Variants in DCAF6 observed in about 807,000 individuals in gnomAD.
DCAF6 encodes DDB1- and CUL4-associated factor 6.
DCAF6 carries 54 observed loss-of-function variants against 125.1 expected under a neutral mutation model. The observed-to-expected ratio is 0.43, with a 90% CI of 0.35 to 0.54. DCAF6 has a LOEUF of 0.54. DCAF6 is among the 20% of genes least tolerant of loss of function. DCAF6 has a pLI of 0.01. For synonymous variants in DCAF6, 371 were observed against 390.4 expected (o/e 0.95, Z 0.58); for missense variants, 934 against 1,161.7 (o/e 0.80, Z 2.85).
At chr1:168,059,238 A>G (rs1435888292) in intron 17 of DCAF6, among the ~76,000 whole-genome samples, 2 of 152,280 alleles carry the variant, frequency 1.3e-5, no homozygotes, top group Admixed American at 6.5e-5. Flanking sequence ...TGCCCCATTT[A>G]GATAGCCAGT....
chr1:167,875,643 A>G, the DCAF6 span, among the ~76,000 whole-genome samples: 1 of 152,176 alleles, frequency 6.6e-6, no homozygotes, highest in Non-Finnish European at 1.5e-5. Flanking sequence ...TAATCCTGAC[A>G]AAAACACTGT....
Position 167,939,745 on chromosome 1 carries a change from A to C in DCAF6, c.97+2737A>C, listed in dbSNP as rs1175193256. On this transcript the variant is annotated intron_variant, in intron 1 of 21. Transcript: ENST00000367840. Reference sequence around the variant, plus strand: ...GCCACTGCACTCCAGCCTGGGCGACAGAGGGAAACTCTGCGTCATAAATAA... The same window carrying C: ...GCCACTGCACTCCAGCCTGGGCGACCGAGGGAAACTCTGCGTCATAAATAA... Among the ~76,000 whole-genome samples, 4 of 149,408 alleles carry C rather than the reference A, an allele frequency of 2.7e-5. No individual in the cohort carries two copies. In the Admixed American group the frequency reaches 2.7e-4, roughly 10 times the overall value.
intron 3 of DCAF6, 53 bp from the exon 4 acceptor site, chr1:167,974,777 A>T: frequency 3.7e-6 from 5 of 1,338,254 alleles, no homozygotes; most frequent in Non-Finnish European, 5.0e-6. Flanking sequence ...TTAAAAATGA[A>T]TATTTCTAGG....
At chr1:167,960,605 G>C (rs1346418679) in intron 2 of DCAF6, among the ~76,000 whole-genome samples, 5 of 152,086 alleles carry the variant, frequency 3.3e-5, no homozygotes, top group Non-Finnish European at 7.4e-5. Flanking sequence ...TCTTGAAGTT[G>C]GGTAGTGTCA....
intron 15 of DCAF6, 66 bp from the exon 16 acceptor site, chr1:168,044,832 TAA>T: frequency 6.5e-7 from 1 of 1,541,048 alleles, no homozygotes; most frequent in Non-Finnish European, 8.8e-7. Context: ...TGTGAGCTCC[TAA>T]GTTAGGTTAA....
At chr1:167,885,527 T>C in the DCAF6 span, among the ~76,000 whole-genome samples, 1 of 152,366 alleles carries the variant, frequency 6.6e-6, no homozygotes, top group East Asian at 1.9e-4. Context: ...TGATTTTCAT[T>C]TATCTGATGA....
chr1:167,905,047 C>T, the DCAF6 span: 1 of 1,614,196 alleles, frequency 6.2e-7, no homozygotes, highest in Non-Finnish European at 8.5e-7. Context: ...AAGGGTCGCT[C>T]TGGGGAGAAA....
the DCAF6 span, among the ~76,000 whole-genome samples, chr1:167,868,813 C>A: frequency 6.6e-6 from 1 of 152,212 alleles, no homozygotes; most frequent in African/African-American, 2.4e-5. Flanking sequence ...CACTTAGACA[C>A]AAGATGGCTC....
the DCAF6 span, chr1:167,894,053 T>G: frequency 2.7e-6 from 2 of 751,218 alleles, no homozygotes; most frequent in African/African-American, 1.7e-5. Flanking sequence ...TTCTTGTCCT[T>G]ACAGTTGTCA....
At chr1:167,917,479 T>G in the DCAF6 span, 4 of 152,046 alleles carry the variant, frequency 2.6e-5, no homozygotes, top group Admixed American at 1.3e-4. Context: ...GTGCCTGTAG[T>G]CCCAGCTGCT....
At chr1:168,054,983 GT>G (rs1263661605) in intron 17 of DCAF6, among the ~76,000 whole-genome samples, 1 of 151,910 alleles carries the variant, frequency 6.6e-6, no homozygotes, top group Non-Finnish European at 1.5e-5. Flanking sequence ...TGCCCGGCTA[GT>G]TTTTTGTATT....
At chr1:167,919,921 AT>A in the DCAF6 span, 6 of 1,298,204 alleles carry the variant, frequency 4.6e-6, no homozygotes, top group East Asian at 2.4e-5. Flanking sequence ...AAAAAAAAAA[AT>A]TAGTGCCATC....
intron 4 of DCAF6, among the ~76,000 whole-genome samples, chr1:167,978,145 T>C (rs1049693760): frequency 4.6e-5 from 7 of 152,332 alleles, no homozygotes; most frequent in Non-Finnish European, 8.8e-5. Context: ...CACAATTGAT[T>C]TATCTGTTCT....
chr1:168,061,478 TG>T (rs1691589324), intron 17 of DCAF6, among the ~76,000 whole-genome samples: 1 of 152,186 alleles, frequency 6.6e-6, no homozygotes, highest in Non-Finnish European at 1.5e-5. Flanking sequence ...CTTTAGCCTG[TG>T]TTTTAGATTA....
At chr1:167,868,187 G>A in the DCAF6 span, among the ~76,000 whole-genome samples, 2 of 152,088 alleles carry the variant, frequency 1.3e-5, no homozygotes, top group African/African-American at 2.4e-5. Flanking sequence ...GCAATTAGCC[G>A]AGCATGTAGC....
chr1:167,924,307 G>A, the DCAF6 span: 3 of 436,718 alleles, frequency 6.9e-6, no homozygotes, highest in Non-Finnish European at 1.2e-5. Flanking sequence ...TATCTAAAGA[G>A]TTCAGAAAAA....
chr1:168,038,832 C>A (rs1212865432), intron 13 of DCAF6, among the ~76,000 whole-genome samples: 1 of 151,876 alleles, frequency 6.6e-6, no homozygotes, highest in Non-Finnish European at 1.5e-5. Flanking sequence ...CATTTTGGGA[C>A]TTTTTGCAGT....
the DCAF6 span, chr1:167,920,178 C>T: frequency 1.2e-6 from 1 of 817,894 alleles, no homozygotes. Context: ...GTAATTACAA[C>T]AATAATGTAG....
chr1:167,886,816 A>G, the DCAF6 span, among the ~76,000 whole-genome samples: 28 of 152,378 alleles, frequency 1.8e-4, no homozygotes, highest in African/African-American at 6.7e-4. Flanking sequence ...GCTAATATCC[A>G]GAATCTACAA....
Sources: gnomAD v4.1 joint callset for allele counts (sites outside exome capture counted in the v4.1 genomes callset) on GRCh38, gnomAD v4.1.1 for gene constraint, MANE v1.5 for transcripts, NCBI Gene and HGNC (gene_info 2026-07-23, HGNC 2026-07-21) for gene names.